The following FHAD1 variants were observed in gnomAD, a reference collection of about 807,000 sequenced individuals.
The protein encoded by FHAD1 is forkhead associated phosphopeptide binding domain 1, also known as forkhead-associated domain-containing protein 1.
Under a neutral mutation model 191.3 loss-of-function variants are expected in FHAD1, and 146 were observed. The ratio of observed to expected loss-of-function variants is 0.76; its 90% CI spans 0.67 to 0.88. FHAD1 has a LOEUF of 0.88. Among genes scored for constraint, FHAD1 ranks in the 40% least tolerant of loss-of-function variants. FHAD1 has a pLI of 0.00. For missense variants in FHAD1, 1,635 were observed against 1,785.8 expected, an observed-to-expected ratio of 0.92 and a Z score of 1.52; for synonymous variants, 616 against 672.3, an observed-to-expected ratio of 0.92 and a Z score of 1.29.
rs528647419 is a variant in FHAD1 at position 15,369,362 on chromosome 1, T to C, written c.3315-8T>C. ...AACCTCGTGCCATCCTCCTCTTCTC[T>C]ACCCTAGGGCTTCCCAAGAGAAACA... is the stretch of plus-strand genomic sequence containing the variant. On this transcript the variant is annotated splice_region_variant and splice_polypyrimidine_tract_variant and intron_variant, in intron 25 of 33. Coordinates refer to ENST00000688493, the MANE Select transcript of FHAD1 (RefSeq NM_001391957.1). The C allele has an allele frequency of 6.4e-7, 1 of 1,551,942 alleles. No individual in the cohort carries two copies. Among genetic ancestry groups the C allele is most frequent in the African/African-American group, 1.4e-5 (1 of 73,170 alleles).
At position 15,339,525 on chromosome 1, in the gene FHAD1, C is replaced by T. The variant is rs1255394990; in HGVS notation, c.1951C>T (p.Leu651Phe). 1 of 1,288,036 alleles carries T rather than the reference C, an allele frequency of 7.8e-7. No individual in the cohort carries two copies. The highest frequency in any genetic ancestry group is 1.3e-5 in the South Asian group (1 of 78,602). The allele number at this position is 1,288,036 out of a possible 1,614,324, so 79.8% of individuals were successfully genotyped here. A position where few individuals can be genotyped will look rare whatever the true frequency, so the allele number is the denominator to read the frequency against. Residue 651 changes from leucine (L) to phenylalanine (F), a missense_variant, in exon 15 of 34, where the codon CTT becomes TTT. Coordinates refer to ENST00000688493, the MANE Select transcript of FHAD1 (RefSeq NM_001391957.1). ...LIYLLEHYKK[L>F]MSQAQELQIK... is the part of the protein sequence containing the mutation. ...ATATCTTCTGGAACATTATAAAAAA[C>T]TTATGAGCCAGGCCCAGGAACTTCA... is the stretch of plus-strand genomic sequence containing the variant.
intron 18 of FHAD1, 52 bp downstream of exon 18, chr1:15,345,575 G>A: frequency 7.2e-7 from 1 of 1,397,392 alleles, no homozygotes; most frequent in South Asian, 1.2e-5. Context: ...TGAGGGCCAT[G>A]TGGAAGGAAG....
At position 15,352,890 on chromosome 1, in the gene FHAD1, A is replaced by G. The variant is rs1395019449; in HGVS notation, c.2468A>G (p.Asn823Ser). 17 of 1,551,428 alleles carry G rather than the reference A, an allele frequency of 1.1e-5. No individual in the cohort carries two copies. Among genetic ancestry groups the G allele is most frequent in the Non-Finnish European group, 1.3e-5 (15 of 1,146,838 alleles). ...LTQQKEISES[N>S]IAYEKRKAKE... is the part of the protein sequence containing the mutation. ...ATTGACTTCCAGATCTCAGAGAGCA[A>G]CATTGCGTACGAGAAACGCAAAGCA... Residue 823 changes from asparagine (N) to serine (S), a missense_variant, in exon 20 of 34, where the codon AAC (asparagine) becomes AGC (serine). By Grantham distance (46) the Asn-to-Ser change is conservative (BLOSUM62 1). Transcript: ENST00000688493.
At position 15,324,918 on chromosome 1, in the gene FHAD1, T is replaced by C. The variant is rs1386428282; in HGVS notation, c.1473+359T>C. 6 of 296,648 alleles carry C rather than the reference T, an allele frequency of 2.0e-5. No homozygotes were observed. In the East Asian group the frequency reaches 4.4e-4, roughly 22 times the overall value. 18.4% of individuals were successfully genotyped at this position (296,648 alleles called of 1,614,324 possible). A position where few individuals can be genotyped will look rare whatever the true frequency, so the allele number is the denominator to read the frequency against. Reference sequence around the variant, plus strand: ...TCCTGACATTTACCACAATCTTTCTTCCCCTTGGGCCCCAGCAGACATTAC... The same window carrying C: ...TCCTGACATTTACCACAATCTTTCTCCCCCTTGGGCCCCAGCAGACATTAC... On this transcript the variant is annotated intron_variant, in intron 11 of 33. Transcript: ENST00000688493.
At chr1:15,369,550 G>C in intron 26 of FHAD1, 48 bp downstream of exon 26, 1 of 1,528,182 alleles carries the variant, frequency 6.5e-7, no homozygotes. Context: ...CAAAGACACA[G>C]CCCAGTGGTG....
intron 13 of FHAD1, chr1:15,328,680 G>A (rs1040386612): frequency 1.2e-5 from 4 of 347,240 alleles, no homozygotes; most frequent in Admixed American, 4.7e-5. Context: ...TGAGCGGCCC[G>A]CATCCCCAGC....
intron 15 of FHAD1, 124 bp downstream of exon 15, chr1:15,339,675 G>A (rs774067000): frequency 1.8e-4 from 63 of 344,608 alleles, no homozygotes; most frequent in Non-Finnish European, 3.0e-4. Flanking sequence ...CCTCCAATAG[G>A]TGAAATGATT....
At chr1:15,280,496 A>G (rs993154660) in intron 3 of FHAD1, among the ~76,000 whole-genome samples, 5 of 152,136 alleles carry the variant, frequency 3.3e-5, no homozygotes, top group Non-Finnish European at 5.9e-5. Flanking sequence ...TCAGATGTCT[A>G]CAGAGTGTGC....
chr1:15,340,476 C>T (rs898055242), intron 15 of FHAD1, among the ~76,000 whole-genome samples: 1 of 152,074 alleles, frequency 6.6e-6, no homozygotes, highest in Non-Finnish European at 1.5e-5. Flanking sequence ...TGTCTCTCAT[C>T]CCCCAGCAAG....
chr1:15,288,906 G>A (rs978682915), intron 3 of FHAD1, among the ~76,000 whole-genome samples: 1 of 152,216 alleles, frequency 6.6e-6, no homozygotes, highest in Non-Finnish European at 1.5e-5. Context: ...ATCGTGTGCC[G>A]TGTGGTCCAG....
intron 20 of FHAD1, among the ~76,000 whole-genome samples, chr1:15,355,984 C>T (rs553699898): frequency 7.1e-6 from 1 of 140,932 alleles, no homozygotes; most frequent in East Asian, 2.2e-4. Context: ...TAATAACTAA[C>T]ATAGAGTCCA....
intron 26 of FHAD1, among the ~76,000 whole-genome samples, chr1:15,372,966 T>G (rs1226044408): frequency 6.6e-6 from 1 of 152,186 alleles, no homozygotes; most frequent in Non-Finnish European, 1.5e-5. Context: ...TGTTGCTGGG[T>G]TTAGCAACTA....
chr1:15,358,347 G>A, intron 21 of FHAD1, 64 bp downstream of exon 21: 7 of 1,467,700 alleles, frequency 4.8e-6, no homozygotes, highest in Non-Finnish European at 6.4e-6. Context: ...AGTGCCACGA[G>A]AATGTGTGGT....
At chr1:15,282,337 G>A (rs926740557) in intron 3 of FHAD1, among the ~76,000 whole-genome samples, 1 of 152,140 alleles carries the variant, frequency 6.6e-6, no homozygotes, top group African/African-American at 2.4e-5. Context: ...AGAATGTGTA[G>A]CACATTCTTT....
rs778167665 is a variant in FHAD1, at chr1:15,341,791, G to A, written c.2033G>A (p.Arg678Gln). The change falls in exon 16 of 34, where the codon CGG becomes CAG. Residue 678 changes from arginine (R) to glutamine (Q), a missense_variant. Coordinates refer to ENST00000688493, the MANE Select transcript of FHAD1 (RefSeq NM_001391957.1). ...TQQSLLQEKL[R>Q]EHLAEKEKLN... ...CAGTCTTTACTGCAGGAAAAGCTGC[G>A]GGAGCATCTGGCAGAGAAGGAGAAG... The A allele has an allele frequency of 8.6e-5, 134 of 1,551,626 alleles. No homozygotes were observed. Among genetic ancestry groups the A allele is most frequent in the East Asian group, 7.1e-4 (29 of 40,940 alleles).
Position 15,345,533 on chromosome 1 carries a change from G to A in FHAD1, c.2346+10G>A, listed in dbSNP as rs755994930. ...GGCCCGCCAGAAGGAGGTACGCTCG[G>A]GGAGATAGAGTCGGCTGAGCCCCAG... On this transcript the variant is annotated intron_variant, in intron 18 of 33. Coordinates refer to ENST00000688493, the MANE Select transcript of FHAD1 (RefSeq NM_001391957.1). 53 of 1,549,744 alleles carry A rather than the reference G, an allele frequency of 3.4e-5. No individual in the cohort carries two copies. Among genetic ancestry groups the A allele is most frequent in the Non-Finnish European group, 4.5e-5 (52 of 1,145,216 alleles).
rs975265802 is a variant in FHAD1 at position 15,240,500 on chromosome 1, A to T, written c.-15+3739A>T. 5.6e-4 allele frequency among the ~76,000 whole-genome samples: 85 copies of T among 151,972 alleles called. 3 individuals are homozygous for T. Among genetic ancestry groups the T allele is most frequent in the Non-Finnish European group, 1.2e-3 (80 of 67,996 alleles). The stretch of plus-strand genomic sequence containing the variant: ...AAATTAAAAAAATAGGCTTAGTGGT[A>T]CATGGCTGTGGTCCCAGCTACTCAG... On this transcript the variant is annotated intron_variant, in intron 1 of 33. Coordinates refer to the FHAD1 transcript ENST00000683790.
chr1:15,352,956 T>C lies in FHAD1; in HGVS notation c.2534T>C (p.Leu845Pro). The change falls in exon 20 of 34, where the codon CTG becomes CCG. Residue 845 changes from leucine (L) to proline (P), a missense_variant. Leu to Pro is a moderately conservative substitution (Grantham distance 98). Transcript: ENST00000688493. ...AAGGAAAAGAAAAAGGTGCAAGACC[T>C]GGAGAATCGCTTAACCAAGCAGAAA... The part of the protein sequence containing the change: ...MEKEKKKVQD[L>P]ENRLTKQKEE... The C allele has an allele frequency of 6.4e-7, 1 of 1,551,106 alleles. No homozygotes were observed. The highest frequency in any genetic ancestry group is 8.7e-7 in the Non-Finnish European group (1 of 1,146,860).
chr1:15,351,366 A>T (rs1048205702), intron 19 of FHAD1, among the ~76,000 whole-genome samples: 11 of 152,072 alleles, frequency 7.2e-5, no homozygotes, highest in Admixed American at 4.6e-4. Context: ...AAATTAAAAT[A>T]AAAAAATTTT....
Sources: allele counts gnomAD v4.1 joint callset (sites outside exome capture counted in the v4.1 genomes callset), GRCh38; gene constraint gnomAD v4.1.1; transcripts MANE v1.5; gene names NCBI Gene and HGNC (gene_info 2026-07-23, HGNC 2026-07-21).